FAM13A: variants seen among roughly 807,000 people sequenced by gnomAD.
The protein encoded by FAM13A is protein FAM13A.
FAM13A carries 76 observed loss-of-function variants against 129.6 expected under a neutral mutation model. The ratio of observed to expected loss-of-function variants is 0.59; its 90% CI spans 0.49 to 0.71. The LOEUF is 0.71. Among genes scored for constraint, FAM13A ranks in the 30% least tolerant of loss-of-function variants. The pLI is 0.00. For missense variants in FAM13A, 1,108 were observed against 1,249.3 expected (o/e 0.89, Z 1.70); for synonymous variants, 443 against 449.9 (o/e 0.98, Z 0.20).
In FAM13A at chr4:88,731,434, A is replaced by C; in HGVS notation, c.2844-6T>G. On this transcript the variant is annotated splice_polypyrimidine_tract_variant and splice_region_variant and intron_variant, in intron 22 of 23. Transcript: ENST00000264344. ...GGTGTTCCAGGAGTTCAGGTCTAAGAGAGAGGAAGCATTGCAAGGAAATTA... is the reference window on the plus strand; with the variant it reads ...GGTGTTCCAGGAGTTCAGGTCTAAGCGAGAGGAAGCATTGCAAGGAAATTA... 6.6e-7 allele frequency: 1 copy of C among 1,524,516 alleles called. No homozygotes were observed. The highest frequency in any genetic ancestry group is 1.8e-5 in the Admixed American group (1 of 56,828). The allele number at this position is 1,524,516 out of a possible 1,614,324, so 94.4% of individuals were successfully genotyped here. A position where few individuals can be genotyped will look rare whatever the true frequency, so the allele number is the denominator to read the frequency against.
intron 3 of FAM13A, among the ~76,000 whole-genome samples, chr4:89,003,006 A>T (rs28559811): frequency 0.11 from 16,018 of 152,176 alleles, 908 homozygotes; most frequent in African/African-American, 0.15. Flanking sequence ...ACTATAATAT[A>T]GGAAGGATAA....
At chr4:88,814,239 CAG>C in intron 7 of FAM13A, among the ~76,000 whole-genome samples, 1 of 152,336 alleles carries the variant, frequency 6.6e-6, no homozygotes. Context: ...AGTCTGAAGT[CAG>C]AGCTCCAGCC....
chr4:88,874,009 C>T (rs1741919584), intron 6 of FAM13A, among the ~76,000 whole-genome samples: 1 of 152,016 alleles, frequency 6.6e-6, no homozygotes. Flanking sequence ...AGACGTAATC[C>T]ATCACATAAA....
At chr4:88,930,716 T>C (rs758277395) in intron 5 of FAM13A, among the ~76,000 whole-genome samples, 38 of 152,108 alleles carry the variant, frequency 2.5e-4, no homozygotes, top group Non-Finnish European at 5.0e-4. Flanking sequence ...TTGGGCTACA[T>C]GTGTGAGTGG....
chr4:88,888,900 C>T (rs1011314506), intron 6 of FAM13A, among the ~76,000 whole-genome samples: 8 of 148,494 alleles, frequency 5.4e-5, no homozygotes, highest in Non-Finnish European at 1.0e-4. Flanking sequence ...TGTGCCACTG[C>T]GCTCCAGCCT....
At chr4:88,842,568 C>T (rs535569831) in intron 7 of FAM13A, among the ~76,000 whole-genome samples, 104 of 152,202 alleles carry the variant, frequency 6.8e-4, no homozygotes, top group Non-Finnish European at 4.0e-4. Context: ...TCTAACAATA[C>T]ACTCCACACC....
chr4:88,856,662 G>A (rs999918467), intron 6 of FAM13A, among the ~76,000 whole-genome samples: 3 of 152,206 alleles, frequency 2.0e-5, no homozygotes, highest in African/African-American at 7.2e-5. Flanking sequence ...GAAAGATTGA[G>A]ATCGAAGGAC....
chr4:89,008,985 C>T (rs973583392), intron 3 of FAM13A: 6 of 152,082 alleles, frequency 3.9e-5, no homozygotes, highest in Admixed American at 1.3e-4. Context: ...ATGAACTCCT[C>T]GTCACGGCCC....
chr4:89,016,906 T>C (rs1260708783), intron 3 of FAM13A, among the ~76,000 whole-genome samples: 1 of 152,182 alleles, frequency 6.6e-6, no homozygotes, highest in African/African-American at 2.4e-5. Flanking sequence ...AAGTGCTGGG[T>C]TACAGGCATA....
At chr4:88,900,827 G>A (rs951317847) in intron 6 of FAM13A, among the ~76,000 whole-genome samples, 11 of 152,034 alleles carry the variant, frequency 7.2e-5, no homozygotes, top group Non-Finnish European at 7.4e-5. Context: ...TGGGCTAAAT[G>A]CCCCAATTAA....
At chr4:88,887,270 C>T (rs1358830519) in intron 6 of FAM13A, among the ~76,000 whole-genome samples, 2 of 151,976 alleles carry the variant, frequency 1.3e-5, no homozygotes, top group East Asian at 3.8e-4. Context: ...CACCTGTTCC[C>T]CCAAAAACCT....
chr4:88,980,155 T>G (rs538112924), intron 4 of FAM13A, among the ~76,000 whole-genome samples: 1 of 152,320 alleles, frequency 6.6e-6, no homozygotes, highest in South Asian at 2.1e-4. Context: ...TATAAAGTAG[T>G]ATTACTTTAT....
intron 3 of FAM13A, among the ~76,000 whole-genome samples, chr4:89,004,957 T>C (rs1055165507): frequency 3.4e-5 from 5 of 147,398 alleles, no homozygotes; most frequent in African/African-American, 1.2e-4. Context: ...TGAAGGTTTG[T>C]TACATAGGTA....
At chr4:88,996,479 T>C (rs1287577296) in intron 3 of FAM13A, among the ~76,000 whole-genome samples, 3 of 152,234 alleles carry the variant, frequency 2.0e-5, no homozygotes, top group African/African-American at 7.2e-5. Flanking sequence ...GAAGTTGTTT[T>C]ATTCATTTAA....
At chr4:88,845,987 T>C (rs17014697) in intron 7 of FAM13A, among the ~76,000 whole-genome samples, 12,461 of 152,256 alleles carry the variant, frequency 0.082, 849 homozygotes, top group African/African-American at 0.18. Flanking sequence ...GACATTTTCT[T>C]TATATATTCT....
chr4:88,944,337 G>A (rs959924281), intron 4 of FAM13A, among the ~76,000 whole-genome samples: 3 of 152,154 alleles, frequency 2.0e-5, no homozygotes, highest in Non-Finnish European at 4.4e-5. Flanking sequence ...GGGTGACAGA[G>A]CAAGACCCTA....
intron 8 of FAM13A, among the ~76,000 whole-genome samples, chr4:88,799,113 T>C (rs1283576552): frequency 6.6e-6 from 1 of 152,142 alleles, no homozygotes; most frequent in Non-Finnish European, 1.5e-5. Context: ...TAAAAAATAA[T>C]GACTGGTGAT....
At chr4:88,752,974 C>T (rs762792057) in intron 14 of FAM13A, among the ~76,000 whole-genome samples, 5 of 152,142 alleles carry the variant, frequency 3.3e-5, no homozygotes, top group Admixed American at 6.5e-5. Flanking sequence ...GGGCAGGGCA[C>T]GGAGCTTTCC....
intron 8 of FAM13A, among the ~76,000 whole-genome samples, chr4:88,791,436 T>TC (rs1400606979): frequency 5.9e-5 from 9 of 152,118 alleles, no homozygotes; most frequent in Admixed American, 4.6e-4. Flanking sequence ...CCACAATGAG[T>TC]GTTGAGGCTG....
Sources: gnomAD v4.1 joint callset for allele counts (sites outside exome capture counted in the v4.1 genomes callset) on GRCh38, gnomAD v4.1.1 for gene constraint, MANE v1.5 for transcripts, NCBI Gene and HGNC (gene_info 2026-07-23, HGNC 2026-07-21) for gene names.